Variants in TRAPPC3 observed in about 807,000 individuals in gnomAD.
TRAPPC3 encodes the protein trafficking protein particle complex 3.
A neutral mutation model predicts 18.2 loss-of-function variants in TRAPPC3; 5 were observed. The ratio of observed to expected loss-of-function variants is 0.28; its 90% confidence interval spans 0.14 to 0.58. The LOEUF (loss-of-function observed/expected upper bound fraction) is 0.58, where lower values mean the gene tolerates loss of function less well. TRAPPC3 is among the 20% of genes least tolerant of loss of function. The probability of loss-of-function intolerance (pLI) is 0.91; values close to 1 mark genes in which losing one functional copy is unlikely to be tolerated. For missense variants in TRAPPC3, 176 were observed against 225.9 expected (o/e 0.78, Z 1.41); for synonymous variants, 65 against 84.2 (o/e 0.77, Z 1.25).
chr1:36,144,483 T>C (rs558439385), intron 1 of TRAPPC3, among the ~76,000 whole-genome samples: 2 of 152,020 alleles, frequency 1.3e-5, no homozygotes, highest in South Asian at 4.2e-4. Context: ...TGAGACCCCA[T>C]CTTTATAAAA....
At chr1:36,139,651 A>G in intron 3 of TRAPPC3, 69 bp downstream of exon 3, 1 of 1,596,516 alleles carries the variant, frequency 6.3e-7, no homozygotes, top group Non-Finnish European at 8.5e-7. Flanking sequence ...TAAGGGAGAT[A>G]GAAAGAGTGG....
intron 1 of TRAPPC3, among the ~76,000 whole-genome samples, chr1:36,147,731 T>A (rs968495711): frequency 6.6e-6 from 1 of 152,014 alleles, no homozygotes; most frequent in Non-Finnish European, 1.5e-5. Flanking sequence ...GAGGTGACAT[T>A]TGAGTAACTA....
chr1:36,138,247 A>G (rs1460724625), intron 3 of TRAPPC3: 1 of 1,539,496 alleles, frequency 6.5e-7, no homozygotes, highest in African/African-American at 1.4e-5. Flanking sequence ...GCATCATACA[A>G]GTAAGCAACA....
intron 1 of TRAPPC3, among the ~76,000 whole-genome samples, chr1:36,142,780 G>C (rs890471921): frequency 2.0e-5 from 3 of 152,076 alleles, no homozygotes; most frequent in African/African-American, 7.2e-5. Context: ...TGGTAATCCC[G>C]GCACTTTGGG....
rs1644250137 is a variant in TRAPPC3, at chr1:36,149,442, G to A, written c.-64C>T. The A allele has an allele frequency of 1.3e-6, 2 of 1,592,820 alleles. No homozygotes were observed. Among genetic ancestry groups the A allele is most frequent in the African/African-American group, 1.3e-5 (1 of 74,596 alleles). On this transcript the variant is annotated 5_prime_UTR_variant, in exon 1 of 5. Transcript: ENST00000373166. ...TAGCTCGGCGACCCCTGCAGACGCC[G>A]GAGCCTAAGCCGCTGCCCCTCAGCC...
Position 36,137,974 on chromosome 1 carries a change from G to A in TRAPPC3, c.245C>T (p.Ala82Val). 1.9e-6 allele frequency: 3 copies of A among 1,613,676 alleles called. No homozygotes were observed. Among genetic ancestry groups the A allele is most frequent in the Non-Finnish European group, 2.5e-6 (3 of 1,179,754 alleles). ...RETADVIAKV[A>V]FKMYLGITPS... ...AGTGATGCCCAAGTACATCTTGAACGCCACCTGTCAGGGGACACACAACAG... is the reference window on the plus strand; with the variant it reads ...AGTGATGCCCAAGTACATCTTGAACACCACCTGTCAGGGGACACACAACAG... The change falls in exon 4 of 5, where the codon GCG becomes GTG. Residue 82 changes from alanine to valine, a missense_variant. Physicochemically the swap from Ala to Val is moderately conservative, Grantham distance 64 (BLOSUM62 0). Coordinates refer to ENST00000373166, the MANE Select transcript of TRAPPC3 (RefSeq NM_014408.5).
At chr1:36,153,616 C>T (rs757387618), upstream of TRAPPC3, among the ~76,000 whole-genome samples, 17 of 152,190 alleles carry the variant, frequency 1.1e-4, no homozygotes, top group African/African-American at 1.7e-4. Flanking sequence ...GATGGTCCTA[C>T]GCAATGTAGG....
intron 3 of TRAPPC3, 21 bp downstream of exon 3, chr1:36,139,699 C>T: frequency 1.2e-6 from 2 of 1,613,828 alleles, no homozygotes; most frequent in Non-Finnish European, 1.7e-6. Flanking sequence ...TCAGCATGGA[C>T]AGGTGGCCCA....
intron 1 of TRAPPC3, 106 bp downstream of exon 1, chr1:36,149,231 C>T: frequency 1.3e-6 from 2 of 1,557,844 alleles, no homozygotes; most frequent in Non-Finnish European, 1.7e-6. Context: ...CTTGCCAGAG[C>T]TCACAGGAAG....
chr1:36,138,169 C>T (rs114981457), intron 3 of TRAPPC3, 191 bp from the exon 4 acceptor site: 8 of 1,551,090 alleles, frequency 5.2e-6, no homozygotes, highest in South Asian at 2.4e-5. Flanking sequence ...CTCTCCTTCA[C>T]GGCATCATAC....
intron 1 of TRAPPC3, among the ~76,000 whole-genome samples, chr1:36,147,354 C>G (rs4652902): frequency 1.3e-5 from 2 of 151,888 alleles, no homozygotes; most frequent in Non-Finnish European, 2.9e-5. Flanking sequence ...TAGGTCTTGG[C>G]AAGCTTAAAT....
chr1:36,136,866 A>C lies in TRAPPC3; in HGVS notation c.*337T>G. The stretch of plus-strand genomic sequence containing the variant: ...CTAAAGGCCCAGGGATAGATGTGCC[A>C]GGCTTGCCTCTTAATGGGGTCAAAG... On this transcript the variant is annotated 3_prime_UTR_variant, in exon 5 of 5. Transcript: ENST00000373166. 5.6e-6 allele frequency: 1 copy of C among 177,188 alleles called. No individual in the cohort carries two copies. Among genetic ancestry groups the C allele is most frequent in the Non-Finnish European group, 1.2e-5 (1 of 82,482 alleles). 11.0% of individuals were successfully genotyped at this position (177,188 alleles called of 1,614,324 possible). A position where few individuals can be genotyped will look rare whatever the true frequency, so the allele number is the denominator to read the frequency against.
chr1:36,152,461 C>A (rs189943378), upstream of TRAPPC3, among the ~76,000 whole-genome samples: 1 of 151,838 alleles, frequency 6.6e-6, no homozygotes, highest in Non-Finnish European at 1.5e-5. Context: ...GCATGTGCCA[C>A]CATGCCTGGC....
intron 1 of TRAPPC3, chr1:36,140,492 G>C (rs1219040860): frequency 4.2e-6 from 1 of 236,228 alleles, no homozygotes; most frequent in East Asian, 8.3e-5. Flanking sequence ...ATCTGGTATG[G>C]GAGCAACGGT....
chr1:36,149,048 C>T (rs1042340824), intron 1 of TRAPPC3: 7 of 1,307,536 alleles, frequency 5.4e-6, no homozygotes, highest in Non-Finnish European at 6.8e-6. Context: ...GTGCCCAACA[C>T]ATAGTAAGAG....
chr1:36,149,451 G>A lies in TRAPPC3; in HGVS notation c.-73C>T, dbSNP rs182256472. 1.4e-4 allele frequency: 217 copies of A among 1,579,294 alleles called. 1 individual carries two copies. In the East Asian group the frequency reaches 4.2e-3, roughly 30 times the overall value. On this transcript the variant is annotated 5_prime_UTR_variant, in exon 1 of 5. Transcript: ENST00000373166. ...GACCCCTGCAGACGCCGGAGCCTAA[G>A]CCGCTGCCCCTCAGCCCACAAGACC...
intron 1 of TRAPPC3, among the ~76,000 whole-genome samples, chr1:36,147,363 A>G (rs762124652): frequency 6.6e-6 from 1 of 152,068 alleles, no homozygotes; most frequent in Non-Finnish European, 1.5e-5. Flanking sequence ...GCAAGCTTAA[A>G]TGGAACACAG....
chr1:36,154,253 C>G (rs1021090005), upstream of TRAPPC3, among the ~76,000 whole-genome samples: 1 of 152,194 alleles, frequency 6.6e-6, no homozygotes, highest in African/African-American at 2.4e-5. Flanking sequence ...ATCCTCCCAC[C>G]TTGGCCTCCC....
intron 1 of TRAPPC3, among the ~76,000 whole-genome samples, chr1:36,148,834 T>C (rs1644237718): frequency 1.3e-5 from 2 of 152,162 alleles, no homozygotes; most frequent in African/African-American, 4.8e-5. Context: ...CACGCCACAG[T>C]ACGAGACACT....
Sources: gnomAD v4.1 joint callset for allele counts (sites outside exome capture counted in the v4.1 genomes callset) on GRCh38, gnomAD v4.1.1 for gene constraint, MANE v1.5 for transcripts, NCBI Gene and HGNC (gene_info 2026-07-23, HGNC 2026-07-21) for gene names.